Variants in PDGFD observed in about 807,000 individuals in gnomAD.
The protein encoded by PDGFD is platelet derived growth factor D, also known as platelet-derived growth factor D.
A neutral mutation model predicts 44.7 loss-of-function variants in PDGFD; 30 were observed. The observed-to-expected ratio is 0.67, with a 90% CI of 0.50 to 0.91. The LOEUF (loss-of-function observed/expected upper bound fraction) is 0.91. Among genes scored for constraint, PDGFD ranks in the 40% least tolerant of loss-of-function variants. The pLI is 0.00. For missense variants in PDGFD, 445 were observed against 457.8 expected (o/e 0.97, Z 0.25); for synonymous variants, 173 against 168.4 (o/e 1.03, Z -0.21).
intron 1 of PDGFD, among the ~76,000 whole-genome samples, chr11:104,148,770 G>T (rs1362018674): frequency 6.6e-6 from 1 of 151,986 alleles, no homozygotes; most frequent in Non-Finnish European, 1.5e-5. Context: ...AAAGGCCCCA[G>T]TGTGTGTTGT....
chr11:104,100,178 G>A (rs772412810), intron 1 of PDGFD, among the ~76,000 whole-genome samples: 1 of 151,930 alleles, frequency 6.6e-6, no homozygotes, highest in Non-Finnish European at 1.5e-5. Flanking sequence ...CACACCTCTG[G>A]TCATTGAACC....
At chr11:104,076,235 TA>T (rs1457692937) in intron 1 of PDGFD, among the ~76,000 whole-genome samples, 1 of 152,204 alleles carries the variant, frequency 6.6e-6, no homozygotes. Flanking sequence ...GTTAGTTAAT[TA>T]AACCTCTTTC....
At chr11:103,954,890 C>A (rs1591092589) in intron 3 of PDGFD, among the ~76,000 whole-genome samples, 1 of 152,036 alleles carries the variant, frequency 6.6e-6, no homozygotes, top group African/African-American at 2.4e-5. Flanking sequence ...TGAGGCCGGG[C>A]GCGGTGGCTC....
chr11:103,920,771 C>T (rs776506089), intron 6 of PDGFD, among the ~76,000 whole-genome samples: 5 of 152,152 alleles, frequency 3.3e-5, no homozygotes, highest in African/African-American at 4.8e-5. Context: ...TTATCATTGC[C>T]ATTGTCAAGA....
At chr11:103,991,518 T>C (rs999249004) in intron 3 of PDGFD, among the ~76,000 whole-genome samples, 1 of 152,234 alleles carries the variant, frequency 6.6e-6, no homozygotes, top group Non-Finnish European at 1.5e-5. Flanking sequence ...AGTGTTATAA[T>C]GGGTATTAGC....
At chr11:104,098,119 A>C (rs532851164) in intron 1 of PDGFD, among the ~76,000 whole-genome samples, 1 of 152,316 alleles carries the variant, frequency 6.6e-6, no homozygotes, top group South Asian at 2.1e-4. Context: ...CTTCTACATG[A>C]AAACAGTCCA....
At chr11:104,155,422 G>C (rs1337177423) in intron 1 of PDGFD, among the ~76,000 whole-genome samples, 1 of 152,162 alleles carries the variant, frequency 6.6e-6, no homozygotes, top group African/African-American at 2.4e-5. Context: ...GGCTTGCTTA[G>C]GTCTCATGAA....
intron 1 of PDGFD, among the ~76,000 whole-genome samples, chr11:104,051,800 A>T (rs999687670): frequency 3.9e-5 from 6 of 152,228 alleles, no homozygotes; most frequent in African/African-American, 1.4e-4. Context: ...ACAATTAACC[A>T]CTGTGCTTTT....
intron 3 of PDGFD, among the ~76,000 whole-genome samples, chr11:103,986,739 C>G (rs1382045744): frequency 1.3e-5 from 2 of 152,174 alleles, no homozygotes; most frequent in Non-Finnish European, 2.9e-5. Flanking sequence ...CCCTTCCTGA[C>G]TGGGGACTAA....
chr11:103,978,848 C>T (rs997993466), intron 3 of PDGFD, among the ~76,000 whole-genome samples: 1 of 151,944 alleles, frequency 6.6e-6, no homozygotes, highest in Non-Finnish European at 1.5e-5. Flanking sequence ...ACAGTGAGCT[C>T]AATGCTATTA....
At position 104,119,151 on chromosome 11, in the gene PDGFD, T is replaced by A. The variant is rs1384597250; in HGVS notation, c.124+44653A>T. 3.5e-4 allele frequency among the ~76,000 whole-genome samples: 11 copies of A among 31,862 alleles called. 1 individual carries two copies. The highest frequency in any genetic ancestry group is 1.4e-3 in the African/African-American group (11 of 7,832). The allele number at this position is 31,862 out of a possible 152,430, so 20.9% of individuals were successfully genotyped here. ...TATAATATATAATATATTAATATAA[T>A]ATATTGATATAACATATAATATATT... On this transcript the variant is annotated intron_variant, in intron 1 of 6. Coordinates refer to ENST00000393158, the MANE Select transcript of PDGFD (RefSeq NM_025208.5).
At chr11:103,981,598 G>T (rs532768283) in intron 3 of PDGFD, among the ~76,000 whole-genome samples, 1 of 151,688 alleles carries the variant, frequency 6.6e-6, no homozygotes, top group East Asian at 1.9e-4. Flanking sequence ...CAGTTTAATT[G>T]ACACTCTAGA....
rs113212420 is a variant in PDGFD at position 103,955,927 on chromosome 11, T to C, written c.511-8203A>G. Among the ~76,000 whole-genome samples, 536 of 152,304 alleles carry C rather than the reference T, an allele frequency of 3.5e-3. 1 individual carries two copies. The highest frequency in any genetic ancestry group is 5.4e-3 in the Non-Finnish European group (367 of 68,028). ...ATGTTTTAATTTAGAACTGCTAGGA[T>C]TCATTAATCAATCATCCACGTAATC... On this transcript the variant is annotated intron_variant, in intron 3 of 6. Transcript: ENST00000393158.
At chr11:104,030,072 C>T (rs1168616661) in intron 1 of PDGFD, among the ~76,000 whole-genome samples, 1 of 152,114 alleles carries the variant, frequency 6.6e-6, no homozygotes, top group Non-Finnish European at 1.5e-5. Flanking sequence ...ACAAAATTAT[C>T]GTATAAAATT....
intron 1 of PDGFD, among the ~76,000 whole-genome samples, chr11:104,127,350 T>C (rs897795265): frequency 3.3e-5 from 5 of 152,186 alleles, no homozygotes; most frequent in African/African-American, 1.2e-4. Context: ...GATCAGGACT[T>C]AGAGAGTTTT....
intron 3 of PDGFD, among the ~76,000 whole-genome samples, chr11:103,995,761 A>G (rs1477075586): frequency 2.0e-5 from 3 of 152,206 alleles, no homozygotes; most frequent in Non-Finnish European, 4.4e-5. Flanking sequence ...ATTTGGCTGT[A>G]TGTTTACCTT....
At chr11:104,123,572 C>T (rs1237983928) in intron 1 of PDGFD, among the ~76,000 whole-genome samples, 1 of 151,926 alleles carries the variant, frequency 6.6e-6, no homozygotes, top group Non-Finnish European at 1.5e-5. Flanking sequence ...AACGATGAGT[C>T]AATAATATCC....
At chr11:103,942,053 TC>T (rs971614576) in intron 5 of PDGFD, among the ~76,000 whole-genome samples, 1 of 152,086 alleles carries the variant, frequency 6.6e-6, no homozygotes, top group Admixed American at 6.6e-5. Context: ...GACTTTCTTG[TC>T]CCCCTCTTAG....
At chr11:103,969,054 C>A (rs7935447) in intron 3 of PDGFD, among the ~76,000 whole-genome samples, 1,983 of 152,294 alleles carry the variant, frequency 0.013, 46 homozygotes, top group African/African-American at 0.043. Context: ...ATCTTTAGGT[C>A]TGATGTAGAT....
Sources: allele counts gnomAD v4.1 joint callset (sites outside exome capture counted in the v4.1 genomes callset), GRCh38; gene constraint gnomAD v4.1.1; transcripts MANE v1.5; gene names NCBI Gene and HGNC (gene_info 2026-07-23, HGNC 2026-07-21).